GREB1: variants seen among roughly 807,000 people sequenced by gnomAD.
The protein encoded by GREB1 is growth regulating estrogen receptor binding 1, also known as protein GREB1.
In GREB1, 106 loss-of-function variants were observed where a neutral mutation model predicts 200.7. The ratio of observed to expected loss-of-function variants is 0.53; its 90% CI spans 0.45 to 0.62. The LOEUF (loss-of-function observed/expected upper bound fraction) is 0.62, where lower values mean the gene tolerates loss of function less well. Ranked by LOEUF, GREB1 falls within the 20% of genes least tolerant of loss-of-function variation. The pLI is 0.00. For missense variants in GREB1, 2,243 were observed against 2,556.8 expected, an observed-to-expected ratio of 0.88 and a Z score of 2.65; for synonymous variants, 1,132 against 1,092.4, an observed-to-expected ratio of 1.04 and a Z score of -0.72.
At chr2:11,519,537 C>T (rs938219835) in intron 1 of GREB1, among the ~76,000 whole-genome samples, 1 of 139,822 alleles carries the variant, frequency 7.2e-6, no homozygotes, top group Non-Finnish European at 1.5e-5. Context: ...CTCACTGCAA[C>T]CTCTACCTCC....
chr2:11,545,874 C>T (rs746699166), intron 1 of GREB1, among the ~76,000 whole-genome samples: 4 of 151,724 alleles, frequency 2.6e-5, no homozygotes. Context: ...GGGTTTGTGT[C>T]GCTAAAGAAA....
chr2:11,605,019 T>C (rs904158148), intron 17 of GREB1, among the ~76,000 whole-genome samples: 4 of 151,950 alleles, frequency 2.6e-5, no homozygotes, highest in African/African-American at 9.7e-5. Flanking sequence ...CTATGGAACT[T>C]TTTTCCTTTA....
chr2:11,574,694 C>A (rs542286761), intron 4 of GREB1, among the ~76,000 whole-genome samples: 11 of 152,170 alleles, frequency 7.2e-5, no homozygotes, highest in Admixed American at 7.2e-4. Flanking sequence ...CAATTGGCCT[C>A]TCTGGTTCTC....
chr2:11,633,488 C>A lies in GREB1; in HGVS notation c.4991+425C>A, dbSNP rs113522409. On this transcript the variant is annotated intron_variant, in intron 28 of 32. Transcript: ENST00000381486. The surrounding 1 kb of genome is among the most constrained non-coding windows in gnomAD (Gnocchi z 4.1). ...CTGAGGCAGAAGCATGGCGTGAACCCGGGAGGCGGAGCTTGTAGTAAGTGG... is the reference window on the plus strand; with the variant it reads ...CTGAGGCAGAAGCATGGCGTGAACCAGGGAGGCGGAGCTTGTAGTAAGTGG... 6.6e-6 allele frequency among the ~76,000 whole-genome samples: 1 copy of A among 151,256 alleles called. No homozygotes were observed. Among genetic ancestry groups the A allele is most frequent in the African/African-American group, 2.4e-5 (1 of 41,138 alleles).
intron 11 of GREB1, among the ~76,000 whole-genome samples, 170 bp from the exon 12 acceptor site, chr2:11,595,081 C>G (rs1681089508): frequency 6.6e-6 from 1 of 151,588 alleles, no homozygotes; most frequent in Admixed American, 6.6e-5. Context: ...GTGTCAGGCA[C>G]CATTGTCTTG....
At chr2:11,531,484 A>T (rs559755409), upstream of GREB1, among the ~76,000 whole-genome samples, 1 of 152,336 alleles carries the variant, frequency 6.6e-6, no homozygotes, top group African/African-American at 2.4e-5. Context: ...TAAAAAATTT[A>T]GAAAATACAG....
At chr2:11,565,000 C>T (rs1412435429) in intron 3 of GREB1, among the ~76,000 whole-genome samples, 1 of 152,158 alleles carries the variant, frequency 6.6e-6, no homozygotes, top group Non-Finnish European at 1.5e-5. Flanking sequence ...GGGAAAGACC[C>T]ACCCCCATGA....
chr2:11,596,075 C>A, intron 12 of GREB1, 36 bp from the exon 13 acceptor site: 1 of 1,593,926 alleles, frequency 6.3e-7, no homozygotes. Flanking sequence ...ATTTCACTGA[C>A]ATCAAAAACC....
At position 11,597,384 on chromosome 2, in the gene GREB1, A is replaced by G. The variant is rs1681369021; in HGVS notation, c.1955-397A>G. Among the ~76,000 whole-genome samples the G allele has an allele frequency of 6.6e-6, 1 of 151,924 alleles. No homozygotes were observed. The highest frequency in any genetic ancestry group is 2.4e-5 in the African/African-American group (1 of 41,338). Reference sequence around the variant, plus strand: ...TCTGAGTCTGTTGCTGATGTTTTTTATTCATACAGAGTTCCTAAATGACTG... The same window carrying G: ...TCTGAGTCTGTTGCTGATGTTTTTTGTTCATACAGAGTTCCTAAATGACTG... On this transcript the variant is annotated intron_variant, in intron 13 of 32. Coordinates refer to ENST00000381486, the MANE Select transcript of GREB1 (RefSeq NM_014668.4). The surrounding 1 kb of genome is among the most constrained non-coding windows in gnomAD (Gnocchi z 4.1).
At chr2:11,551,791 C>T (rs567287832) in intron 1 of GREB1, among the ~76,000 whole-genome samples, 6 of 152,286 alleles carry the variant, frequency 3.9e-5, no homozygotes, top group African/African-American at 7.2e-5. Flanking sequence ...TGGAGCAGGA[C>T]GAGCCGTGGC....
In GREB1 at chr2:11,517,936, A is replaced by C. The variant is rs12052357; in HGVS notation, c.-159+35555A>C. 1.6e-3 allele frequency among the ~76,000 whole-genome samples: 241 copies of C among 152,296 alleles called. 2 individuals are homozygous for C. The East Asian group carries it at 0.036, about 23-fold the overall frequency. On this transcript the variant is annotated intron_variant, in intron 1 of 2. Coordinates refer to the GREB1 transcript ENST00000628795. ...CCAAAGTGCTGGGATTATAACAGTGAAGCATCTTTAACAGCAGTTTAAAGA... is the reference window on the plus strand; with the variant it reads ...CCAAAGTGCTGGGATTATAACAGTGCAGCATCTTTAACAGCAGTTTAAAGA...
chr2:11,628,053 T>C (rs1184281296), intron 25 of GREB1, among the ~76,000 whole-genome samples: 1 of 151,860 alleles, frequency 6.6e-6, no homozygotes, highest in Non-Finnish European at 1.5e-5. Flanking sequence ...GCCACGAAAC[T>C]CGGAGGGCAG....
chr2:11,573,013 A>C (rs1019130058), intron 4 of GREB1, among the ~76,000 whole-genome samples: 3 of 152,220 alleles, frequency 2.0e-5, no homozygotes, highest in Non-Finnish European at 4.4e-5. Context: ...TAGGTGCACT[A>C]TGAAGCCGCT....
intron 1 of GREB1, chr2:11,542,945 A>T (rs1371341169): frequency 6.6e-6 from 1 of 152,310 alleles, no homozygotes; most frequent in Admixed American, 6.5e-5. Flanking sequence ...CTGGGGCTTT[A>T]AATGCTAATC....
At chr2:11,619,231 A>G (rs1683797992) in intron 22 of GREB1, among the ~76,000 whole-genome samples, 2 of 152,244 alleles carry the variant, frequency 1.3e-5, no homozygotes, top group Non-Finnish European at 2.9e-5. Context: ...TCTGACAAAT[A>G]GAAACAAAAC....
At chr2:11,628,932 G>A (rs1043404955) in intron 25 of GREB1, among the ~76,000 whole-genome samples, 3 of 152,348 alleles carry the variant, frequency 2.0e-5, no homozygotes, top group South Asian at 2.1e-4. Context: ...TGCAGAGGCC[G>A]CGTGGCCCCC....
chr2:11,625,477 T>G (rs868106521), intron 24 of GREB1, among the ~76,000 whole-genome samples, 165 bp downstream of exon 24: 3 of 152,204 alleles, frequency 2.0e-5, no homozygotes, highest in African/African-American at 7.2e-5. Flanking sequence ...AAGGGAGGAA[T>G]GCAAAACCTG....
rs756949455 is a variant in GREB1, at chr2:11,585,185, C to A, written c.926C>A (p.Pro309His). The A allele has an allele frequency of 2.5e-6, 4 of 1,576,692 alleles. No individual in the cohort carries two copies. In the Admixed American group the frequency reaches 5.8e-5, roughly 23 times the overall value. The stretch of plus-strand genomic sequence containing the variant: ...GGTATCTTGTCAAACTCCGGGCCCC[C>A]CAAAAAACGCCACAAAGGGTGGTCT... Reference protein sequence around the residue: ...ALGILSNSGPPKKRHKGWSPE... With the variant: ...ALGILSNSGPHKKRHKGWSPE... The change falls in exon 8 of 33, where the codon CCC (proline) becomes CAC (histidine). Residue 309 changes from proline to histidine, a missense_variant. Pro to His is a moderately conservative substitution (Grantham distance 77). Around this residue, in one of 3 missense-constraint regions of GREB1, gnomAD observed 1,178 missense variants for 1,387.4 expected, o/e 0.85. Transcript: ENST00000381486.
chr2:11,562,814 C>CTTTTTGGGGA, intron 3 of GREB1: 1 of 403,186 alleles, frequency 2.5e-6, no homozygotes, highest in Non-Finnish European at 4.4e-6. Flanking sequence ...AGGCAGGCCT[C>CTTTTTGGGGA]TGTGCCACTC....
Sources: allele counts gnomAD v4.1 joint callset (sites outside exome capture counted in the v4.1 genomes callset), GRCh38; gene constraint gnomAD v4.1.1; regional missense constraint gnomAD v4.1.1; non-coding constraint Gnocchi (gnomAD v3.1); transcripts MANE v1.5; gene names NCBI Gene and HGNC (gene_info 2026-07-23, HGNC 2026-07-21).